The following MSI2 variants were observed in gnomAD, a reference collection of about 807,000 sequenced individuals.
The protein encoded by MSI2 is RNA-binding protein Musashi homolog 2.
Under a neutral mutation model 45.6 loss-of-function variants are expected in MSI2, and 17 were observed. That is an observed-to-expected ratio of 0.37 (90% confidence interval 0.26 to 0.56). MSI2 has a LOEUF of 0.56. Ranked by LOEUF, MSI2 falls within the 20% of genes least tolerant of loss-of-function variation. The pLI, the probability that MSI2 is intolerant of heterozygous loss-of-function variation, is 0.77. For synonymous variants in MSI2, 156 were observed against 158.2 expected (o/e 0.99, Z 0.11); for missense variants, 293 against 444.2 (o/e 0.66, Z 3.06).
At chr17:57,484,943 C>T (rs2085722896) in intron 6 of MSI2, among the ~76,000 whole-genome samples, 1 of 152,230 alleles carries the variant, frequency 6.6e-6, no homozygotes, top group African/African-American at 2.4e-5. Flanking sequence ...GTAAACTCCC[C>T]TGGGTTTTAT....
intron 10 of MSI2, among the ~76,000 whole-genome samples, chr17:57,636,276 C>T (rs986752574): frequency 6.6e-6 from 1 of 152,166 alleles, no homozygotes; most frequent in Non-Finnish European, 1.5e-5. Context: ...TGGCCATAGG[C>T]AAGGGGCTGC....
chr17:57,418,401 C>G (rs768612897), intron 6 of MSI2, among the ~76,000 whole-genome samples: 8 of 152,190 alleles, frequency 5.3e-5, no homozygotes, highest in Non-Finnish European at 1.2e-4. Flanking sequence ...TTGTCTGATG[C>G]CATCCCTCCA....
intron 6 of MSI2, among the ~76,000 whole-genome samples, chr17:57,512,985 T>TTTTTTTTA (rs3059048): frequency 1.4e-5 from 2 of 142,040 alleles, no homozygotes; most frequent in South Asian, 2.3e-4. Context: ...TTTTTTTTTT[T>TTTTTTTTA]CCTTCTGAGA....
chr17:57,323,434 T>C (rs1913509756), intron 5 of MSI2, among the ~76,000 whole-genome samples: 1 of 152,240 alleles, frequency 6.6e-6, no homozygotes. Context: ...TCCAGGGAAA[T>C]GCGGGGGTCC....
intron 6 of MSI2, among the ~76,000 whole-genome samples, chr17:57,526,218 G>T (rs2086692340): frequency 6.6e-6 from 1 of 151,986 alleles, no homozygotes; most frequent in Non-Finnish European, 1.5e-5. Context: ...GAATGAGACT[G>T]TCTCAAAGGA....
chr17:57,469,024 C>T (rs1340756168), intron 6 of MSI2, among the ~76,000 whole-genome samples: 2 of 152,170 alleles, frequency 1.3e-5, no homozygotes, highest in East Asian at 1.9e-4. Context: ...ACAGGCTGCC[C>T]GATACCAGCT....
chr17:57,405,263 T>TG (rs1243216221), intron 6 of MSI2, among the ~76,000 whole-genome samples: 1 of 152,222 alleles, frequency 6.6e-6, no homozygotes, highest in East Asian at 1.9e-4. Flanking sequence ...TAGTCCTTGT[T>TG]GCAGCTACTC....
intron 5 of MSI2, chr17:57,265,767 T>A (rs185318834): frequency 1.3e-5 from 2 of 152,322 alleles, no homozygotes; most frequent in Admixed American, 1.3e-4. Context: ...TATGTAAGAG[T>A]TCCCCCCCAG....
chr17:57,526,212 G>A (rs778646712), intron 6 of MSI2, among the ~76,000 whole-genome samples: 19 of 152,080 alleles, frequency 1.2e-4, no homozygotes, highest in Admixed American at 2.6e-4. Context: ...GTGACAGAAT[G>A]AGACTGTCTC....
intron 5 of MSI2, among the ~76,000 whole-genome samples, chr17:57,304,322 A>T (rs1174432191): frequency 1.4e-4 from 20 of 145,836 alleles, no homozygotes; most frequent in Non-Finnish European, 6.0e-5. Flanking sequence ...GCACCACTGC[A>T]CTTCAGCCTG....
chr17:57,426,442 T>TG (rs1426215251), intron 6 of MSI2, among the ~76,000 whole-genome samples: 1 of 152,238 alleles, frequency 6.6e-6, no homozygotes, highest in African/African-American at 2.4e-5. Context: ...TCACGGCACA[T>TG]GGGGCAGTGC....
intron 5 of MSI2, among the ~76,000 whole-genome samples, chr17:57,358,853 G>A (rs1024232932): frequency 6.6e-6 from 1 of 152,116 alleles, no homozygotes; most frequent in African/African-American, 2.4e-5. Flanking sequence ...AAGATGATAT[G>A]TTGCTAGGGC....
intron 6 of MSI2, among the ~76,000 whole-genome samples, chr17:57,502,484 C>T (rs920139855): frequency 2.6e-5 from 4 of 151,420 alleles, no homozygotes; most frequent in East Asian, 3.9e-4. Context: ...AACTAGATAA[C>T]TTTGTGAAAT....
intron 5 of MSI2, among the ~76,000 whole-genome samples, chr17:57,325,216 T>C (rs1044687970): frequency 6.6e-6 from 1 of 152,154 alleles, no homozygotes; most frequent in African/African-American, 2.4e-5. Context: ...ATGAAGTGAC[T>C]CAGGAATGGA....
intron 8 of MSI2, among the ~76,000 whole-genome samples, chr17:57,604,295 A>G (rs1203494234): frequency 6.6e-6 from 1 of 152,152 alleles, no homozygotes; most frequent in Non-Finnish European, 1.5e-5. Context: ...AGAGTGATAG[A>G]TTTTTTCACC....
At chr17:57,437,134 A>G (rs2084704631) in intron 6 of MSI2, among the ~76,000 whole-genome samples, 1 of 152,086 alleles carries the variant, frequency 6.6e-6, no homozygotes, top group South Asian at 2.1e-4. Flanking sequence ...TTGGTGTCTC[A>G]TTTCTTGGGA....
At position 57,289,582 on chromosome 17, in the gene MSI2, G is replaced by A. The variant is rs139391031; in HGVS notation, c.312+27390G>A. ...AGACGAGCCTGGAAGGAGCTGTCTG[G>A]TGGGATTGGTTGGCCAGGGATTTTT... is the stretch of plus-strand genomic sequence containing the variant. On this transcript the variant is annotated intron_variant, in intron 5 of 13. Transcript: ENST00000284073. 4.8e-3 allele frequency among the ~76,000 whole-genome samples: 729 copies of A among 152,286 alleles called. 5 individuals carry two copies. Among genetic ancestry groups the A allele is most frequent in the Non-Finnish European group, 7.2e-3 (492 of 68,030 alleles).
intron 5 of MSI2, among the ~76,000 whole-genome samples, chr17:57,303,102 C>T (rs1208302079): frequency 1.3e-5 from 2 of 152,166 alleles, no homozygotes; most frequent in South Asian, 2.1e-4. Context: ...CCGGTGTTCA[C>T]GGGGAAGTCC....
chr17:57,638,757 C>G (rs1239329685), intron 10 of MSI2, among the ~76,000 whole-genome samples: 1 of 151,542 alleles, frequency 6.6e-6, no homozygotes, highest in African/African-American at 2.4e-5. Context: ...AAAAAATTAG[C>G]CAGGCATGGG....
Sources: gnomAD v4.1 joint callset for allele counts (sites outside exome capture counted in the v4.1 genomes callset) on GRCh38, gnomAD v4.1.1 for gene constraint, MANE v1.5 for transcripts, NCBI Gene and HGNC (gene_info 2026-07-23, HGNC 2026-07-21) for gene names.